Variants in FBXL3 observed in about 807,000 individuals in gnomAD.
FBXL3 encodes F-box/LRR-repeat protein 3.
FBXL3 carries 14 observed loss-of-function variants against 37.9 expected under a neutral mutation model. The observed-to-expected ratio is 0.37, with a 90% CI of 0.24 to 0.58. The LOEUF is 0.58. Among genes scored for constraint, FBXL3 ranks in the 20% least tolerant of loss-of-function variants. The probability of loss-of-function intolerance (pLI) is 0.74; values close to 1 mark genes in which losing one functional copy is unlikely to be tolerated. For missense variants in FBXL3, 327 were observed against 511.1 expected, an observed-to-expected ratio of 0.64 and a Z score of 3.47; for synonymous variants, 194 against 180.1, an observed-to-expected ratio of 1.08 and a Z score of -0.62.
At chr13:77,011,843 G>A (rs2034560300) in intron 4 of FBXL3, among the ~76,000 whole-genome samples, 1 of 151,942 alleles carries the variant, frequency 6.6e-6, no homozygotes, top group African/African-American at 2.4e-5. Flanking sequence ...AGTGTTAGAA[G>A]ACACTGCTAG....
intron 1 of FBXL3, chr13:77,026,124 C>T (rs1443330456): frequency 2.1e-6 from 2 of 966,860 alleles, no homozygotes; most frequent in African/African-American, 3.5e-5. Flanking sequence ...CTGGGTCACT[C>T]AACTGGATAT....
At chr13:77,007,976 C>T (rs1026488438) in intron 4 of FBXL3, among the ~76,000 whole-genome samples, 188 bp from the exon 5 acceptor site, 1 of 152,112 alleles carries the variant, frequency 6.6e-6, no homozygotes, top group East Asian at 1.9e-4. Context: ...ATTTTGTCTA[C>T]AAGAAAATGA....
chr13:77,011,508 G>A (rs1268354290), intron 4 of FBXL3, among the ~76,000 whole-genome samples: 1 of 152,036 alleles, frequency 6.6e-6, no homozygotes, highest in Non-Finnish European at 1.5e-5. Flanking sequence ...GAACACTTGA[G>A]CCCATGAGTT....
chr13:77,007,480 A>C lies in FBXL3; in HGVS notation c.952T>G (p.Ser318Ala). Residue 318 changes from serine (S) to alanine (A), a missense_variant, in exon 5 of 5, where the codon TCA becomes GCA. By Grantham distance (99) the Ser-to-Ala change is moderately conservative. Coordinates refer to ENST00000355619, the MANE Select transcript of FBXL3 (RefSeq NM_012158.4). ...IPATHLYFGR[S>A]VSKDVLGRVG... is the part of the protein sequence containing the mutation. ...CGGCCAAGCACATCTTTGCTTACTG[A>C]TCTCCCAAAGTACAGATGGGTGGCA... The C allele has an allele frequency of 6.2e-7, 1 of 1,614,166 alleles. No homozygotes were observed. Among genetic ancestry groups the C allele is most frequent in the South Asian group, 1.1e-5 (1 of 91,080 alleles).
chr13:77,012,751 G>A (rs1351079832), intron 4 of FBXL3: 1 of 152,182 alleles, frequency 6.6e-6, no homozygotes, highest in Non-Finnish European at 1.5e-5. Flanking sequence ...ATGTGGTTAT[G>A]CTCTTCAAAT....
intron 4 of FBXL3, among the ~76,000 whole-genome samples, chr13:77,011,629 G>A (rs1251490432): frequency 1.3e-5 from 2 of 150,366 alleles, no homozygotes; most frequent in African/African-American, 4.9e-5. Flanking sequence ...AGGCTGAGGT[G>A]AGAAGATCGT....
At position 77,006,450 on chromosome 13, in the gene FBXL3, A is replaced by T. The variant is rs919102167; in HGVS notation, c.*695T>A. On this transcript the variant is annotated 3_prime_UTR_variant, in exon 5 of 5. Coordinates refer to ENST00000355619, the MANE Select transcript of FBXL3 (RefSeq NM_012158.4). The stretch of plus-strand genomic sequence containing the variant: ...TATCACAAAAGAATGTATATGGTTT[A>T]GCAGATTACAGAGCAAACCTAAAAG... The T allele has an allele frequency of 6.6e-6, 1 of 152,166 alleles. No homozygotes were observed. Among genetic ancestry groups the T allele is most frequent in the African/African-American group, 2.4e-5 (1 of 41,448 alleles). The allele number at this position is 152,166 out of a possible 1,614,324, so 9.4% of individuals were successfully genotyped here. A position where few individuals can be genotyped will look rare whatever the true frequency, so the allele number is the denominator to read the frequency against.
rs2154035810 is a variant in FBXL3 at position 77,006,273 on chromosome 13, T to C, written c.*872A>G. ...TAAACATTTTAAAGTTCTATATTTA[T>C]TTAAATTTGGCTTTTTAAAATAGGT... On this transcript the variant is annotated 3_prime_UTR_variant, in exon 5 of 5. Transcript: ENST00000355619. 1 of 152,296 alleles carries C rather than the reference T, an allele frequency of 6.6e-6. No individual in the cohort carries two copies. Among genetic ancestry groups the C allele is most frequent in the East Asian group, 1.9e-4 (1 of 5,194 alleles). The allele number at this position is 152,296 out of a possible 1,614,324, so 9.4% of individuals were successfully genotyped here. A position where few individuals can be genotyped will look rare whatever the true frequency, so the allele number is the denominator to read the frequency against.
chr13:77,008,223 T>C (rs984389510), intron 4 of FBXL3, among the ~76,000 whole-genome samples: 1 of 152,184 alleles, frequency 6.6e-6, no homozygotes, highest in Non-Finnish European at 1.5e-5. Flanking sequence ...CAGAGTAAGA[T>C]AGAACCATAT....
intron 1 of FBXL3, among the ~76,000 whole-genome samples, chr13:77,022,065 T>A (rs1054310950): frequency 6.6e-6 from 1 of 152,228 alleles, no homozygotes; most frequent in African/African-American, 2.4e-5. Context: ...TTTACACTTT[T>A]TTGGCATGTT....
At chr13:77,009,566 C>T (rs566155257) in intron 4 of FBXL3, 3 of 152,296 alleles carry the variant, frequency 2.0e-5, no homozygotes, top group East Asian at 1.9e-4. Flanking sequence ...TACCATCTCA[C>T]GCCAGTTAGA....
chr13:77,024,131 A>G, intron 1 of FBXL3, among the ~76,000 whole-genome samples: 1 of 152,214 alleles, frequency 6.6e-6, no homozygotes, highest in Non-Finnish European at 1.5e-5. Flanking sequence ...TTTTTTTTTA[A>G]TAAGTTTAGA....
intron 2 of FBXL3, among the ~76,000 whole-genome samples, chr13:77,019,398 G>T (rs367725361): frequency 1.3e-5 from 2 of 152,104 alleles, no homozygotes; most frequent in African/African-American, 4.8e-5. Flanking sequence ...AAAGTTAGTT[G>T]TTTCCTGGGA....
At chr13:77,026,472 G>A in intron 1 of FBXL3, 1 of 654,720 alleles carries the variant, frequency 1.5e-6, no homozygotes, top group Non-Finnish European at 1.9e-6. Flanking sequence ...CACAGAGTGC[G>A]AGCTCCATGG....
chr13:77,009,141 T>C (rs1793099787), intron 4 of FBXL3: 1 of 152,156 alleles, frequency 6.6e-6, no homozygotes. Context: ...TCCATGCACT[T>C]AACTACTGCT....
intron 2 of FBXL3, among the ~76,000 whole-genome samples, chr13:77,020,763 G>C (rs114899502): frequency 6.6e-6 from 1 of 151,938 alleles, no homozygotes; most frequent in Admixed American, 6.6e-5. Context: ...ACAGGGTCTC[G>C]CTCTGTCACC....
intron 4 of FBXL3, chr13:77,015,191 CATAA>C (rs1302014188): frequency 3.2e-5 from 11 of 342,290 alleles, no homozygotes; most frequent in Non-Finnish European, 5.2e-5. Context: ...ATGTGCTATT[CATAA>C]ATTTATCAAA....
At chr13:77,018,765 T>A (rs752047421) in intron 2 of FBXL3, 43 bp from the exon 3 acceptor site, 21 of 1,469,670 alleles carry the variant, frequency 1.4e-5, no homozygotes, top group Non-Finnish European at 1.9e-5. Context: ...TTTTATTATT[T>A]TTTTACTTTT....
chr13:77,010,266 AAAC>A (rs1342628026), intron 4 of FBXL3: 1 of 152,186 alleles, frequency 6.6e-6, no homozygotes, highest in Non-Finnish European at 1.5e-5. Context: ...AATTAAAAAA[AAAC>A]ACACAGACAT....
Sources: gnomAD v4.1 joint callset for allele counts (sites outside exome capture counted in the v4.1 genomes callset) on GRCh38, gnomAD v4.1.1 for gene constraint, MANE v1.5 for transcripts, NCBI Gene and HGNC (gene_info 2026-07-23, HGNC 2026-07-21) for gene names.